The following UMAD1 variants were observed in gnomAD, a reference collection of about 807,000 sequenced individuals.
UMAD1 encodes the protein UBAP1-MVB12-associated (UMA) domain containing 1.
UMAD1 carries 8 observed loss-of-function variants against 6.1 expected under a neutral mutation model. The observed-to-expected ratio is 1.30, with a 90% CI of 0.76 to 2.35. The LOEUF (loss-of-function observed/expected upper bound fraction) is 2.35. UMAD1 is among the 30% of genes most tolerant of loss of function. The pLI, the probability that UMAD1 is intolerant of heterozygous loss-of-function variation, is 0.00. For missense variants in UMAD1, 130 were observed against 78.4 expected (o/e 1.66, Z -2.49); for synonymous variants, 56 against 31.4 (o/e 1.78, Z -2.61).
chr7:7,838,213 T>C (rs1451851511), intron 3 of UMAD1, among the ~76,000 whole-genome samples: 1 of 152,176 alleles, frequency 6.6e-6, no homozygotes, highest in African/African-American at 2.4e-5. Context: ...GTCTGTTTTG[T>C]GTATTCCTCT....
chr7:7,823,028 A>G (rs992665585), intron 3 of UMAD1, among the ~76,000 whole-genome samples: 7 of 152,032 alleles, frequency 4.6e-5, no homozygotes, highest in African/African-American at 1.7e-4. Flanking sequence ...TAAGGTTTTA[A>G]TATTCTGTTT....
At chr7:7,745,657 G>C (rs1781558312) in intron 2 of UMAD1, among the ~76,000 whole-genome samples, 1 of 152,186 alleles carries the variant, frequency 6.6e-6, no homozygotes, top group African/African-American at 2.4e-5. Context: ...AAACCAAGGA[G>C]AGTTTATTTT....
Position 7,877,638 on chromosome 7 carries a change from G to A in UMAD1, c.*100G>A. ...GCCGTTTCACTGTTTAAGGTCCTCA[G>A]CAAGGATCATAAAGCAAAGAAAATA... On this transcript the variant is annotated 3_prime_UTR_variant, in exon 4 of 4. Coordinates refer to ENST00000682710, the MANE Select transcript of UMAD1 (RefSeq NM_001302348.2). 1.1e-5 allele frequency: 7 copies of A among 634,970 alleles called. No individual in the cohort carries two copies. In the South Asian group the frequency reaches 1.3e-4, roughly 12 times the overall value. The allele number at this position is 634,970 out of a possible 1,614,324, so 39.3% of individuals were successfully genotyped here. A position where few individuals can be genotyped will look rare whatever the true frequency, so the allele number is the denominator to read the frequency against.
At chr7:7,718,123 T>C (rs1244338751) in intron 2 of UMAD1, among the ~76,000 whole-genome samples, 1 of 152,160 alleles carries the variant, frequency 6.6e-6, no homozygotes. Flanking sequence ...AAATTTTAGA[T>C]CAGATAAGAA....
intron 3 of UMAD1, among the ~76,000 whole-genome samples, chr7:7,832,871 C>T (rs1233578025): frequency 1.3e-5 from 2 of 152,114 alleles, no homozygotes; most frequent in Non-Finnish European, 2.9e-5. Context: ...TCAGGAGAAG[C>T]TTCTTCGTAG....
chr7:7,762,468 G>A (rs1458825608), intron 2 of UMAD1, among the ~76,000 whole-genome samples: 1 of 152,022 alleles, frequency 6.6e-6, no homozygotes, highest in East Asian at 1.9e-4. Context: ...ATTTTTCGTG[G>A]GTCTTGTGTG....
At chr7:7,698,874 T>TC (rs1780381798) in intron 2 of UMAD1, among the ~76,000 whole-genome samples, 1 of 150,786 alleles carries the variant, frequency 6.6e-6, no homozygotes, top group East Asian at 1.9e-4. Flanking sequence ...TCTTGTCTTT[T>TC]TTTTTTTTTT....
At chr7:7,689,024 G>A (rs1780107689) in intron 2 of UMAD1, among the ~76,000 whole-genome samples, 3 of 152,122 alleles carry the variant, frequency 2.0e-5, no homozygotes, top group Admixed American at 1.3e-4. Flanking sequence ...GCCTTACTCT[G>A]GGGAGGAGGG....
At chr7:7,703,946 GGAAA>G (rs1260012981) in intron 2 of UMAD1, among the ~76,000 whole-genome samples, 2 of 150,640 alleles carry the variant, frequency 1.3e-5, no homozygotes, top group South Asian at 2.1e-4. Context: ...TCTTAACAAA[GGAAA>G]GAAAGAAGGA....
chr7:7,783,019 C>T (rs1782380287), intron 2 of UMAD1, among the ~76,000 whole-genome samples: 1 of 152,208 alleles, frequency 6.6e-6, no homozygotes. Flanking sequence ...AGGCATGAGG[C>T]ATCGTGCCCA....
intron 2 of UMAD1, among the ~76,000 whole-genome samples, chr7:7,730,595 A>G (rs887171680): frequency 2.6e-5 from 4 of 152,228 alleles, no homozygotes; most frequent in African/African-American, 9.6e-5. Flanking sequence ...CAAAAGGTAC[A>G]CTAGGTGTCT....
chr7:7,747,153 C>G (rs1158884236), intron 2 of UMAD1, among the ~76,000 whole-genome samples: 1 of 152,100 alleles, frequency 6.6e-6, no homozygotes, highest in Admixed American at 6.6e-5. Flanking sequence ...GCCATGAAGA[C>G]TTTTACCTAA....
intron 1 of UMAD1, among the ~76,000 whole-genome samples, chr7:7,667,819 C>T (rs547202562): frequency 6.6e-4 from 101 of 152,332 alleles, no homozygotes; most frequent in African/African-American, 2.4e-3. Context: ...TGCTGCTTTA[C>T]TGATGAAAAG....
At chr7:7,715,623 T>C (rs1780882038) in intron 2 of UMAD1, among the ~76,000 whole-genome samples, 2 of 152,292 alleles carry the variant, frequency 1.3e-5, no homozygotes. Context: ...AGTTTTTCAA[T>C]AGCAATTATT....
At chr7:7,668,537 A>G (rs1359571993) in intron 1 of UMAD1, among the ~76,000 whole-genome samples, 1 of 152,214 alleles carries the variant, frequency 6.6e-6, no homozygotes, top group South Asian at 2.1e-4. Flanking sequence ...ATGTGTACAT[A>G]CAGTAAGTTC....
At chr7:7,712,084 A>G (rs541407545) in intron 2 of UMAD1, among the ~76,000 whole-genome samples, 5 of 152,054 alleles carry the variant, frequency 3.3e-5, no homozygotes, top group Non-Finnish European at 2.9e-5. Flanking sequence ...TTATGAGGCT[A>G]TTTTTCTCTC....
At chr7:7,728,612 C>G (rs1413338235) in intron 2 of UMAD1, among the ~76,000 whole-genome samples, 2 of 151,186 alleles carry the variant, frequency 1.3e-5, no homozygotes, top group African/African-American at 2.4e-5. Flanking sequence ...CCAGTGCACT[C>G]CAGACTGGGT....
chr7:7,843,986 T>A (rs1783736692), intron 3 of UMAD1, among the ~76,000 whole-genome samples: 1 of 152,210 alleles, frequency 6.6e-6, no homozygotes, highest in Non-Finnish European at 1.5e-5. Flanking sequence ...AGATACTAAT[T>A]CTTGGTTTAT....
At chr7:7,818,193 T>G (rs966715989) in intron 3 of UMAD1, among the ~76,000 whole-genome samples, 1 of 152,226 alleles carries the variant, frequency 6.6e-6, no homozygotes, top group African/African-American at 2.4e-5. Flanking sequence ...GTCTGTGTTC[T>G]CATCATTTTA....
Sources: allele counts gnomAD v4.1 joint callset (sites outside exome capture counted in the v4.1 genomes callset), GRCh38; gene constraint gnomAD v4.1.1; transcripts MANE v1.5; gene names NCBI Gene and HGNC (gene_info 2026-07-23, HGNC 2026-07-21).